DOCK3: variants seen among roughly 807,000 people sequenced by gnomAD.
The protein encoded by DOCK3 is dedicator of cytokinesis 3, also known as dedicator of cytokinesis protein 3.
DOCK3 carries 60 observed loss-of-function variants against 265.6 expected under a neutral mutation model. The ratio of observed to expected loss-of-function variants is 0.23; its 90% CI spans 0.18 to 0.28. DOCK3 has a LOEUF of 0.28. DOCK3 is among the 10% of genes least tolerant of loss of function. The pLI is 1.00. For missense variants in DOCK3, 1,981 were observed against 2,594.3 expected, an observed-to-expected ratio of 0.76 and a Z score of 5.14; for synonymous variants, 881 against 938.0, an observed-to-expected ratio of 0.94 and a Z score of 1.11.
chr3:50,767,966 A>G (rs1404590370), intron 1 of DOCK3, among the ~76,000 whole-genome samples: 4 of 152,124 alleles, frequency 2.6e-5, no homozygotes, highest in Admixed American at 6.6e-5. Context: ...CATTGAGTTT[A>G]TATCCTGAGA....
chr3:51,185,776 A>C lies in DOCK3; in HGVS notation c.1038-22998A>C, dbSNP rs533828619. 2.0e-5 allele frequency among the ~76,000 whole-genome samples: 3 copies of C among 152,322 alleles called. No individual in the cohort carries two copies. The South Asian group carries it at 6.2e-4, about 32-fold the overall frequency. ...CATGAGATCTGATGGTTTTAAAAAA[A>C]GGGAACTTCTCTGCACAAGCCCTTT... is the stretch of plus-strand genomic sequence containing the variant. On this transcript the variant is annotated intron_variant, in intron 12 of 52. Coordinates refer to ENST00000266037, the MANE Select transcript of DOCK3 (RefSeq NM_004947.5).
At chr3:51,296,218 A>G (rs1037375420) in intron 27 of DOCK3, among the ~76,000 whole-genome samples, 6 of 152,212 alleles carry the variant, frequency 3.9e-5, no homozygotes, top group African/African-American at 1.4e-4. Flanking sequence ...AAAAAATCCC[A>G]GTTACAGTAT....
chr3:50,753,994 A>G (rs2039997832), intron 1 of DOCK3, among the ~76,000 whole-genome samples: 1 of 151,950 alleles, frequency 6.6e-6, no homozygotes, highest in South Asian at 2.1e-4. Context: ...CGTCTCTACT[A>G]AAAATACAAA....
chr3:50,721,173 T>C (rs1490845767), intron 1 of DOCK3, among the ~76,000 whole-genome samples: 1 of 152,204 alleles, frequency 6.6e-6, no homozygotes, highest in Admixed American at 6.5e-5. Flanking sequence ...TGATAGTTTC[T>C]TTTTCTGTGC....
intron 14 of DOCK3, among the ~76,000 whole-genome samples, chr3:51,221,545 C>T (rs915015133): frequency 3.9e-5 from 6 of 152,288 alleles, no homozygotes; most frequent in Non-Finnish European, 7.4e-5. Flanking sequence ...TTTGTCAACT[C>T]CAATAAACCT....
intron 3 of DOCK3, among the ~76,000 whole-genome samples, chr3:50,843,063 T>G (rs1287845958): frequency 1.3e-5 from 2 of 152,246 alleles, no homozygotes; most frequent in Non-Finnish European, 2.9e-5. Context: ...GTTTGTGGCT[T>G]GAAAACATTA....
At chr3:51,061,239 G>T (rs371470095) in intron 5 of DOCK3, among the ~76,000 whole-genome samples, 3 of 152,134 alleles carry the variant, frequency 2.0e-5, no homozygotes, top group African/African-American at 7.2e-5. Context: ...TATAAATCAT[G>T]CTGCTATAAA....
intron 1 of DOCK3, among the ~76,000 whole-genome samples, chr3:50,706,059 TGTA>T: frequency 6.6e-6 from 1 of 151,942 alleles, no homozygotes; most frequent in South Asian, 2.1e-4. Context: ...AGTTTTCTCC[TGTA>T]CGCTCACTTC....
intron 1 of DOCK3, among the ~76,000 whole-genome samples, chr3:50,751,600 C>G (rs2039814705): frequency 6.6e-6 from 1 of 152,100 alleles, no homozygotes; most frequent in East Asian, 1.9e-4. Context: ...TATTATGATA[C>G]CACAAAAATA....
At chr3:50,881,707 T>A (rs2048033422) in intron 3 of DOCK3, among the ~76,000 whole-genome samples, 1 of 152,182 alleles carries the variant, frequency 6.6e-6, no homozygotes, top group Admixed American at 6.5e-5. Flanking sequence ...AATTTATAGA[T>A]TCAATGCTGT....
rs1296332593 is a variant in DOCK3 at position 51,330,236 on chromosome 3, A to G, written c.3488+13A>G. 1.3e-6 allele frequency: 2 copies of G among 1,580,474 alleles called. No homozygotes were observed. The highest frequency in any genetic ancestry group is 4.6e-5 in the East Asian group (2 of 43,318). On this transcript the variant is annotated intron_variant, in intron 33 of 52. Transcript: ENST00000266037. ...TCTTCAGCCTACTGTAAGCTGCTCC[A>G]GCCCCAGGCACACCACACTGGGGGA...
chr3:50,884,515 T>A (rs1363129417), intron 3 of DOCK3, among the ~76,000 whole-genome samples: 1 of 152,232 alleles, frequency 6.6e-6, no homozygotes, highest in Non-Finnish European at 1.5e-5. Context: ...ATGAAAAATC[T>A]GCTGATAATT....
At chr3:51,112,896 CTG>C (rs1314885502) in intron 9 of DOCK3, among the ~76,000 whole-genome samples, 4 of 152,108 alleles carry the variant, frequency 2.6e-5, no homozygotes, top group Admixed American at 2.6e-4. Flanking sequence ...CTCAAGGACT[CTG>C]TTGGATTTTG....
chr3:51,002,911 C>A (rs1167248906), intron 5 of DOCK3, among the ~76,000 whole-genome samples: 1 of 152,116 alleles, frequency 6.6e-6, no homozygotes, highest in African/African-American at 2.4e-5. Flanking sequence ...TCTGTTAACT[C>A]TGGATAAATG....
At chr3:50,939,674 G>A (rs2051588746) in intron 5 of DOCK3, among the ~76,000 whole-genome samples, 1 of 152,062 alleles carries the variant, frequency 6.6e-6, no homozygotes, top group Non-Finnish European at 1.5e-5. Context: ...AGAAAATTCA[G>A]CACCCATTCA....
At chr3:51,142,033 C>T (rs1257672447) in intron 9 of DOCK3, among the ~76,000 whole-genome samples, 1 of 148,434 alleles carries the variant, frequency 6.7e-6, no homozygotes, top group African/African-American at 2.5e-5. Flanking sequence ...TTATTTGTAT[C>T]TACACTGTTA....
In DOCK3 at chr3:51,382,309, G is replaced by C. The variant is rs1189342666; in HGVS notation, c.*750G>C. On this transcript the variant is annotated 3_prime_UTR_variant, in exon 53 of 53. Transcript: ENST00000266037. ...TCTTGAAACACCTCATGCCCCACAG[G>C]AGCCCCAGTGGTGACTGGATCTGCA... is the stretch of plus-strand genomic sequence containing the variant. 6.6e-6 allele frequency: 1 copy of C among 152,478 alleles called. No individual in the cohort carries two copies. The highest frequency in any genetic ancestry group is 2.4e-5 in the African/African-American group (1 of 41,448). The allele number at this position is 152,478 out of a possible 1,614,324, so 9.4% of individuals were successfully genotyped here.
intron 26 of DOCK3, chr3:51,278,561 GTGTC>G: frequency 2.0e-6 from 2 of 985,322 alleles, no homozygotes; most frequent in Non-Finnish European, 2.4e-6. Flanking sequence ...CTTGGAAAGA[GTGTC>G]TGCTCCTTTA....
chr3:51,307,539 G>A (rs1364945436), intron 27 of DOCK3, among the ~76,000 whole-genome samples: 1 of 152,058 alleles, frequency 6.6e-6, no homozygotes, highest in African/African-American at 2.4e-5. Flanking sequence ...ATAACTCTCC[G>A]CATTTTGTAA....
Sources: allele counts gnomAD v4.1 joint callset (sites outside exome capture counted in the v4.1 genomes callset), GRCh38; gene constraint gnomAD v4.1.1; transcripts MANE v1.5; gene names NCBI Gene and HGNC (gene_info 2026-07-23, HGNC 2026-07-21).